The following TGFBR3 variants were observed in gnomAD, a reference collection of about 807,000 sequenced individuals.
The protein encoded by TGFBR3 is transforming growth factor beta receptor type 3.
A neutral mutation model predicts 87.9 loss-of-function variants in TGFBR3; 46 were observed. The observed-to-expected ratio is 0.52, with a 90% confidence interval of 0.41 to 0.67. The LOEUF is 0.67. TGFBR3 is among the 30% of genes least tolerant of loss of function. The pLI is 0.00. For synonymous variants in TGFBR3, 381 were observed against 391.6 expected (o/e 0.97, Z 0.32); for missense variants, 866 against 1,041.9 (o/e 0.83, Z 2.32).
At chr1:91,785,373 T>A (rs777807251) in intron 3 of TGFBR3, among the ~76,000 whole-genome samples, 30 of 152,200 alleles carry the variant, frequency 2.0e-4, no homozygotes, top group Non-Finnish European at 2.6e-4. Flanking sequence ...GATACAAGGT[T>A]TCTTCTTAGG....
At chr1:91,734,232 C>CA (rs1440551137) in intron 5 of TGFBR3, among the ~76,000 whole-genome samples, 1 of 152,232 alleles carries the variant, frequency 6.6e-6, no homozygotes, top group African/African-American at 2.4e-5. Context: ...CAAGACCCTA[C>CA]ACTTCTTTTC....
intron 3 of TGFBR3, among the ~76,000 whole-genome samples, chr1:91,782,686 GT>G (rs17879293): frequency 0.44 from 66,178 of 151,930 alleles, 14,804 homozygotes; most frequent in Middle Eastern, 0.6. Context: ...AAATCCAACT[GT>G]AGGTCATTAA....
intron 3 of TGFBR3, among the ~76,000 whole-genome samples, chr1:91,769,982 G>A (rs1015303389): frequency 8.5e-5 from 13 of 152,158 alleles, no homozygotes; most frequent in Admixed American, 8.5e-4. Flanking sequence ...GCACCATTTT[G>A]TTGTGCTGAT....
At chr1:91,770,588 A>G (rs572400104) in intron 3 of TGFBR3, among the ~76,000 whole-genome samples, 1 of 152,306 alleles carries the variant, frequency 6.6e-6, no homozygotes, top group African/African-American at 2.4e-5. Flanking sequence ...AATATATAGG[A>G]ACTTGTTCTT....
At chr1:91,761,472 A>T (rs1026821614) in intron 3 of TGFBR3, among the ~76,000 whole-genome samples, 1 of 152,200 alleles carries the variant, frequency 6.6e-6, no homozygotes, top group African/African-American at 2.4e-5. Context: ...GGCAAAGAAG[A>T]ATTCACACTA....
Position 91,713,855 on chromosome 1 carries a change from T to C in TGFBR3, c.1867-1313A>G, listed in dbSNP as rs554311604. On this transcript the variant is annotated intron_variant, in intron 12 of 16. Coordinates refer to ENST00000212355, the MANE Select transcript of TGFBR3 (RefSeq NM_003243.5). ...TATTACTAAAAACTGCCGTTTAACA[T>C]GAACTCAGAAACCACATGCCAAAAT... Among the ~76,000 whole-genome samples, 10 of 152,212 alleles carry C rather than the reference T, an allele frequency of 6.6e-5. No homozygotes were observed. In the South Asian group the frequency reaches 1.9e-3, roughly 28 times the overall value.
chr1:91,893,940 C>T (rs79465956), intron 2 of TGFBR3, among the ~76,000 whole-genome samples: 1 of 127,488 alleles, frequency 7.8e-6, no homozygotes, highest in East Asian at 2.3e-4. Context: ...AAAAAAAAAA[C>T]TTCCTTTGGC....
chr1:91,763,998 T>G (rs940761636), intron 3 of TGFBR3, among the ~76,000 whole-genome samples: 2 of 152,116 alleles, frequency 1.3e-5, no homozygotes, highest in Non-Finnish European at 2.9e-5. Context: ...AAATTTTTCC[T>G]TTTTATTTTT....
chr1:91,741,953 T>G (rs1026456233), intron 4 of TGFBR3, among the ~76,000 whole-genome samples: 29 of 152,182 alleles, frequency 1.9e-4, no homozygotes. Context: ...ACATGGCGCA[T>G]GACTGAAGTG....
intron 8 of TGFBR3, 30 bp from the exon 9 acceptor site, chr1:91,720,260 A>G: frequency 6.5e-7 from 1 of 1,548,958 alleles, no homozygotes; most frequent in Non-Finnish European, 8.7e-7. Flanking sequence ...AAACATCAGC[A>G]GTGTTTGATG....
intron 3 of TGFBR3, among the ~76,000 whole-genome samples, chr1:91,795,553 A>G (rs1182227102): frequency 6.6e-6 from 1 of 152,242 alleles, no homozygotes; most frequent in Non-Finnish European, 1.5e-5. Flanking sequence ...AGTCAACAAC[A>G]GTACTGCACA....
At chr1:91,890,748 T>C (rs1679426601), upstream of TGFBR3, among the ~76,000 whole-genome samples, 1 of 151,952 alleles carries the variant, frequency 6.6e-6, no homozygotes, top group South Asian at 2.1e-4. Flanking sequence ...TAGGAAATGA[T>C]GCACAGAGAG....
chr1:91,813,216 G>T (rs1365048669), intron 2 of TGFBR3, among the ~76,000 whole-genome samples: 1 of 152,134 alleles, frequency 6.6e-6, no homozygotes, highest in Non-Finnish European at 1.5e-5. Flanking sequence ...CAATATTAGG[G>T]ACACTGTCCA....
At chr1:91,855,323 C>G (rs1364783707) in intron 2 of TGFBR3, among the ~76,000 whole-genome samples, 1 of 152,192 alleles carries the variant, frequency 6.6e-6, no homozygotes, top group South Asian at 2.1e-4. Flanking sequence ...TGCCAGCAGC[C>G]CTGCTCCAGA....
intron 1 of TGFBR3, among the ~76,000 whole-genome samples, chr1:91,877,817 T>C (rs186369352): frequency 5.7e-4 from 87 of 152,288 alleles, no homozygotes; most frequent in African/African-American, 1.9e-3. Context: ...GCATAAGTAT[T>C]TTTTTCAGGA....
intron 2 of TGFBR3, among the ~76,000 whole-genome samples, chr1:91,821,052 C>G (rs929940200): frequency 6.6e-6 from 1 of 151,976 alleles, no homozygotes; most frequent in Non-Finnish European, 1.5e-5. Context: ...TAGTAATGGC[C>G]GGGCACAGTG....
At chr1:91,851,833 C>T (rs139350694) in intron 2 of TGFBR3, among the ~76,000 whole-genome samples, 1 of 152,348 alleles carries the variant, frequency 6.6e-6, no homozygotes, top group Non-Finnish European at 1.5e-5. Flanking sequence ...AGAGAAACCT[C>T]GATTCTCTTG....
upstream of TGFBR3, among the ~76,000 whole-genome samples, chr1:91,888,506 C>T (rs1020723200): frequency 6.6e-6 from 1 of 152,046 alleles, no homozygotes; most frequent in African/African-American, 2.4e-5. Flanking sequence ...AGTTCTAGAC[C>T]AGCCTGACCA....
chr1:91,695,006 C>T (rs1671381211), intron 16 of TGFBR3, among the ~76,000 whole-genome samples: 1 of 152,078 alleles, frequency 6.6e-6, no homozygotes, highest in African/African-American at 2.4e-5. Flanking sequence ...CAGGTTCTCT[C>T]ATCAGGCTAG....
Sources: gnomAD v4.1 joint callset for allele counts (sites outside exome capture counted in the v4.1 genomes callset) on GRCh38, gnomAD v4.1.1 for gene constraint, MANE v1.5 for transcripts, NCBI Gene and HGNC (gene_info 2026-07-23, HGNC 2026-07-21) for gene names.